FBXO11: variants seen among roughly 807,000 people sequenced by gnomAD.
FBXO11 encodes F-box only protein 11.
In FBXO11, 13 loss-of-function variants were observed where a neutral mutation model predicts 117.0. The ratio of observed to expected loss-of-function variants is 0.11; its 90% CI spans 0.07 to 0.18. The LOEUF is 0.18. Ranked by LOEUF, FBXO11 falls within the 10% of genes least tolerant of loss-of-function variation. FBXO11 has a pLI of 1.00. For missense variants in FBXO11, 767 were observed against 1,164.4 expected (o/e 0.66, Z 4.97); for synonymous variants, 490 against 380.5 (o/e 1.29, Z -3.35).
At chr2:47,833,971 T>A (rs890339779) in intron 7 of FBXO11, among the ~76,000 whole-genome samples, 3 of 152,158 alleles carry the variant, frequency 2.0e-5, no homozygotes, top group African/African-American at 7.2e-5. Flanking sequence ...CCTGGCTGCA[T>A]CTTTATTTTC....
intron 1 of FBXO11, among the ~76,000 whole-genome samples, chr2:47,865,509 G>A (rs1323852721): frequency 6.6e-6 from 1 of 152,166 alleles, no homozygotes; most frequent in Non-Finnish European, 1.5e-5. Context: ...TAAAACAGGG[G>A]CCTAGGTCCC....
intron 13 of FBXO11, among the ~76,000 whole-genome samples, chr2:47,821,655 T>C (rs1258703993): frequency 1.3e-5 from 2 of 149,228 alleles, no homozygotes; most frequent in African/African-American, 2.5e-5. Flanking sequence ...CATGGTAGCA[T>C]GCACCTGTAA....
chr2:47,851,542 G>C lies in FBXO11; in HGVS notation c.233-11773C>G, dbSNP rs185734108. Among the ~76,000 whole-genome samples the C allele has an allele frequency of 2.4e-4, 36 of 152,104 alleles. No individual in the cohort carries two copies. In the East Asian group the frequency reaches 4.6e-3, roughly 20 times the overall value. On this transcript the variant is annotated intron_variant, in intron 1 of 22. Transcript: ENST00000403359. ...GCGCCTGGCCTATTAATTTTCATCTGTTTGCTAGTCATTGTGAATATGAAG... is the reference window on the plus strand; with the variant it reads ...GCGCCTGGCCTATTAATTTTCATCTCTTTGCTAGTCATTGTGAATATGAAG...
intron 1 of FBXO11, among the ~76,000 whole-genome samples, chr2:47,893,992 G>C (rs75657440): frequency 0.055 from 8,339 of 152,266 alleles, 243 homozygotes; most frequent in Non-Finnish European, 0.069. Context: ...CTTAAGTGCT[G>C]AAAGAGCAAA....
intron 1 of FBXO11, among the ~76,000 whole-genome samples, chr2:47,857,936 A>AAT (rs1367032180): frequency 1.5e-4 from 22 of 147,508 alleles, no homozygotes; most frequent in East Asian, 6.8e-4. Flanking sequence ...TATATGGGCA[A>AAT]ATATATATAT....
intron 1 of FBXO11, among the ~76,000 whole-genome samples, chr2:47,874,006 C>T (rs933463830): frequency 2.0e-5 from 3 of 151,890 alleles, no homozygotes; most frequent in African/African-American, 4.8e-5. Context: ...CGGGGTCAAG[C>T]GTTTGAGACC....
chr2:47,835,272 G>A (rs1426674456), intron 5 of FBXO11, among the ~76,000 whole-genome samples: 1 of 152,122 alleles, frequency 6.6e-6, no homozygotes, highest in Non-Finnish European at 1.5e-5. Context: ...CTCCAGCTGA[G>A]ACTCACTCAC....
At chr2:47,811,102 CAG>C (rs1486402670) in intron 18 of FBXO11, 1 of 152,256 alleles carries the variant, frequency 6.6e-6, no homozygotes, top group Non-Finnish European at 1.5e-5. Flanking sequence ...AAATCTGACT[CAG>C]TAACTTCTTG....
chr2:47,812,088 A>C (rs79324238), intron 18 of FBXO11, among the ~76,000 whole-genome samples: 1,871 of 152,086 alleles, frequency 0.012, 46 homozygotes, highest in African/African-American at 0.043. Flanking sequence ...GATGGATTCC[A>C]AACTCCTTAC....
intron 1 of FBXO11, among the ~76,000 whole-genome samples, chr2:47,843,212 T>C (rs1673144900): frequency 3.9e-5 from 6 of 152,254 alleles, no homozygotes; most frequent in East Asian, 3.8e-4. Flanking sequence ...TGTATATTAA[T>C]AATATGACCA....
At chr2:47,835,183 G>A (rs1672457249) in intron 5 of FBXO11, among the ~76,000 whole-genome samples, 1 of 152,096 alleles carries the variant, frequency 6.6e-6, no homozygotes, top group Non-Finnish European at 1.5e-5. Flanking sequence ...CCAAATAGCA[G>A]CAGCACACTC....
intron 16 of FBXO11, among the ~76,000 whole-genome samples, chr2:47,815,129 C>A (rs1670919670): frequency 6.6e-6 from 1 of 152,212 alleles, no homozygotes; most frequent in Non-Finnish European, 1.5e-5. Context: ...GAAGCAACTT[C>A]TTCCAAACTC....
chr2:47,809,778 C>G, intron 19 of FBXO11, 71 bp from the exon 20 acceptor site: 1 of 925,182 alleles, frequency 1.1e-6, no homozygotes, highest in Non-Finnish European at 1.7e-6. Context: ...AATTAGCAAG[C>G]AAATGTAAAC....
At chr2:47,904,371 G>A (rs1678566820) in intron 1 of FBXO11, among the ~76,000 whole-genome samples, 1 of 152,164 alleles carries the variant, frequency 6.6e-6, no homozygotes, top group Admixed American at 6.5e-5. Flanking sequence ...TATGTTTGGA[G>A]ACCAAGGTGC....
chr2:47,808,512 T>C (rs1670382092), intron 21 of FBXO11, 85 bp from the exon 22 acceptor site: 1 of 1,280,564 alleles, frequency 7.8e-7, no homozygotes, highest in Admixed American at 2.6e-5. Context: ...ACTATGACCT[T>C]TGGCTTTAAG....
intron 19 of FBXO11, 169 bp from the exon 20 acceptor site, chr2:47,809,876 CTTATCAA>C (rs1169753821): frequency 1.8e-6 from 1 of 550,764 alleles, no homozygotes; most frequent in Admixed American, 3.5e-5. Flanking sequence ...GTAACATTCA[CTTATCAA>C]TGACTATGGT....
intron 1 of FBXO11, among the ~76,000 whole-genome samples, chr2:47,867,662 C>T (rs958949767): frequency 6.6e-6 from 1 of 152,206 alleles, no homozygotes; most frequent in Admixed American, 6.5e-5. Flanking sequence ...CCTTAAGCTT[C>T]ACTGAAATCA....
intron 1 of FBXO11, among the ~76,000 whole-genome samples, chr2:47,840,601 C>T (rs928666224): frequency 3.3e-5 from 5 of 151,604 alleles, no homozygotes; most frequent in African/African-American, 1.2e-4. Context: ...CAGGCATGCA[C>T]CACCACCCAG....
chr2:47,823,302 G>C lies in FBXO11; in HGVS notation c.1457C>G (p.Ala486Gly). 1 of 1,613,806 alleles carries C rather than the reference G, an allele frequency of 6.2e-7. No individual in the cohort carries two copies. The highest frequency in any genetic ancestry group is 2.2e-5 in the East Asian group (1 of 44,864). The change falls in exon 12 of 23, where the codon GCC becomes GGC. Residue 486 changes from alanine to glycine, a missense_variant. By Grantham distance (60) the Ala-to-Gly change is moderately conservative. Coordinates refer to ENST00000403359, the MANE Select transcript of FBXO11 (RefSeq NM_001190274.2). ...TCGAACCACTGTAGGGTTAGCATAG[G>C]CTTTTACTTCAAAGCCTGCTATCCT... ...RNRIAGFEVK[A>G]YANPTVVRCE...
Sources: gnomAD v4.1 joint callset for allele counts (sites outside exome capture counted in the v4.1 genomes callset) on GRCh38, gnomAD v4.1.1 for gene constraint, MANE v1.5 for transcripts, NCBI Gene and HGNC (gene_info 2026-07-23, HGNC 2026-07-21) for gene names.